The following TEX9 variants were observed in gnomAD, a reference collection of about 807,000 sequenced individuals.
TEX9 encodes the protein testis-expressed protein 9.
Under a neutral mutation model 59.6 loss-of-function variants are expected in TEX9, and 74 were observed. The ratio of observed to expected loss-of-function variants is 1.24; its 90% CI spans 1.03 to 1.51. The LOEUF (loss-of-function observed/expected upper bound fraction) is 1.51. Among genes scored for constraint, TEX9 ranks in the 40% most tolerant of loss-of-function variants. The pLI is 0.00. For synonymous variants in TEX9, 186 were observed against 152.2 expected (o/e 1.22, Z -1.64); for missense variants, 522 against 447.8 (o/e 1.17, Z -1.49).
chr15:56,387,596 G>A (rs2048018565), intron 4 of TEX9, among the ~76,000 whole-genome samples: 1 of 151,918 alleles, frequency 6.6e-6, no homozygotes, highest in Non-Finnish European at 1.5e-5. Context: ...CCAATGGTTA[G>A]GAGTTCTCAG....
At chr15:56,415,959 T>G (rs1326440609) in intron 10 of TEX9, among the ~76,000 whole-genome samples, 1 of 151,866 alleles carries the variant, frequency 6.6e-6, no homozygotes, top group Non-Finnish European at 1.5e-5. Flanking sequence ...CCTGGTTAGC[T>G]GTATTCCTAG....
chr15:56,355,815 G>C (rs1429679227), intron 1 of TEX9, among the ~76,000 whole-genome samples: 2 of 151,990 alleles, frequency 1.3e-5, no homozygotes, highest in Non-Finnish European at 2.9e-5. Flanking sequence ...TTATACCTAA[G>C]CATTTGTAAA....
chr15:56,249,100 A>C (rs927132160), intron 1 of TEX9: 2 of 152,246 alleles, frequency 1.3e-5, no homozygotes, highest in Admixed American at 1.3e-4. Flanking sequence ...ATATTTTTAA[A>C]AGTGAAATAA....
intron 4 of TEX9, among the ~76,000 whole-genome samples, chr15:56,386,083 T>C (rs1280120836): frequency 6.6e-6 from 1 of 152,098 alleles, no homozygotes; most frequent in African/African-American, 2.4e-5. Flanking sequence ...AAACAAATTA[T>C]GGTATATCCA....
rs534648231 is a variant in TEX9, at chr15:56,266,638, G to C, written c.-107+22360G>C. Reference sequence around the variant, plus strand: ...GATGGTTTCCAGCTTCATCCATGTCGCTACAAAGGACATGAAGTCATCCTT... The same window carrying C: ...GATGGTTTCCAGCTTCATCCATGTCCCTACAAAGGACATGAAGTCATCCTT... On this transcript the variant is annotated intron_variant, in intron 1 of 5. Coordinates refer to the TEX9 transcript ENST00000560827. Among the ~76,000 whole-genome samples, 5 of 151,980 alleles carry C rather than the reference G, an allele frequency of 3.3e-5. 1 individual carries two copies. The highest frequency in any genetic ancestry group is 4.1e-4 in the South Asian group (2 of 4,824).
chr15:56,304,218 A>T (rs982722856), intron 1 of TEX9, among the ~76,000 whole-genome samples: 1 of 152,174 alleles, frequency 6.6e-6, no homozygotes, highest in African/African-American at 2.4e-5. Flanking sequence ...CTTCCTTTCC[A>T]ATTTGGACGC....
intron 1 of TEX9, among the ~76,000 whole-genome samples, chr15:56,345,066 C>CAT (rs1567093128): frequency 3.0e-5 from 4 of 135,036 alleles, no homozygotes; most frequent in South Asian, 2.3e-4. Flanking sequence ...TACACACACA[C>CAT]ATATATATAT....
chr15:56,460,009 A>AAAAAAAAAAAAATATATATAT, the TEX9 span, among the ~76,000 whole-genome samples: 2 of 26,384 alleles, frequency 7.6e-5, no homozygotes, highest in African/African-American at 1.5e-4. Context: ...AAAAAAAAAA[A>AAAAAAAAAAAAATATATATAT]ATACATATAT....
intron 8 of TEX9, 26 bp from the exon 9 acceptor site, chr15:56,394,635 C>A: frequency 6.9e-7 from 1 of 1,447,270 alleles, no homozygotes; most frequent in Non-Finnish European, 9.4e-7. Flanking sequence ...TATTTTTTCA[C>A]ATAATCTATA....
chr15:56,319,262 CT>C (rs2045849558), intron 1 of TEX9, among the ~76,000 whole-genome samples: 1 of 151,708 alleles, frequency 6.6e-6, no homozygotes, highest in Admixed American at 6.6e-5. Context: ...GTTAAAGTTT[CT>C]CATTACTAAG....
At chr15:56,379,793 C>A (rs953335216) in intron 3 of TEX9, among the ~76,000 whole-genome samples, 16 of 151,714 alleles carry the variant, frequency 1.1e-4, no homozygotes, top group African/African-American at 3.4e-4. Context: ...TATATAATGA[C>A]CTTCTTTGTC....
At chr15:56,320,103 G>A (rs72740554) in intron 1 of TEX9, among the ~76,000 whole-genome samples, 1 of 152,206 alleles carries the variant, frequency 6.6e-6, no homozygotes, top group Non-Finnish European at 1.5e-5. Flanking sequence ...GCCCTCATAG[G>A]CATTTTTATT....
At chr15:56,297,541 G>A (rs2045245017) in intron 1 of TEX9, among the ~76,000 whole-genome samples, 1 of 152,152 alleles carries the variant, frequency 6.6e-6, no homozygotes, top group African/African-American at 2.4e-5. Context: ...TTCTCACTCT[G>A]TTGCCCAGGC....
intron 4 of TEX9, among the ~76,000 whole-genome samples, chr15:56,386,516 GATCTTGCTTCCAAGAAGTTAATAT>G (rs2047967878): frequency 6.6e-6 from 1 of 151,908 alleles, no homozygotes; most frequent in Non-Finnish European, 1.5e-5. Context: ...AAACAGACCT[GATCTTGCTTCCAAGAAGTTAATAT>G]GTGTTGCTTT....
In TEX9 at chr15:56,432,996, G is replaced by A. The variant is rs149790692; in HGVS notation, c.*29+4523G>A. Among the ~76,000 whole-genome samples, 24 of 152,090 alleles carry A rather than the reference G, an allele frequency of 1.6e-4. No homozygotes were observed. In the East Asian group the frequency reaches 4.2e-3, roughly 27 times the overall value. Reference sequence around the variant, plus strand: ...AGACAATATAAGTATTTAGTTTTACGGATGAGACATAAATAAGTCAATGTA... The same window carrying A: ...AGACAATATAAGTATTTAGTTTTACAGATGAGACATAAATAAGTCAATGTA... On this transcript the variant is annotated intron_variant, in intron 12 of 12. Transcript: ENST00000352903.
intron 1 of TEX9, among the ~76,000 whole-genome samples, chr15:56,270,903 T>TG (rs1459888204): frequency 6.6e-5 from 10 of 152,330 alleles, no homozygotes; most frequent in African/African-American, 2.4e-4. Context: ...AAGCTTAATT[T>TG]GGCTGGATAT....
At chr15:56,375,063 A>G (rs1342766946) in intron 3 of TEX9, among the ~76,000 whole-genome samples, 1 of 152,100 alleles carries the variant, frequency 6.6e-6, no homozygotes, top group East Asian at 1.9e-4. Context: ...TGGTATTTCT[A>G]GTTCTAGATC....
Position 56,269,330 on chromosome 15 carries a change from G to A in TEX9, c.-107+25052G>A, listed in dbSNP as rs62045712. 2.0e-5 allele frequency among the ~76,000 whole-genome samples: 3 copies of A among 151,870 alleles called. No individual in the cohort carries two copies. The South Asian group carries it at 6.2e-4, about 32-fold the overall frequency. On this transcript the variant is annotated intron_variant, in intron 1 of 5. Coordinates refer to the TEX9 transcript ENST00000560827. ...TCGTGTCTCTATTTCCTTCAGTTCT[G>A]CTCTGATCTTGGTTATTTCTTGCCT...
At chr15:56,343,964 T>A (rs2046419010) in intron 1 of TEX9, among the ~76,000 whole-genome samples, 2 of 152,128 alleles carry the variant, frequency 1.3e-5, no homozygotes, top group East Asian at 3.8e-4. Flanking sequence ...CAAACTACAG[T>A]GAGATACCAC....
Sources: allele counts gnomAD v4.1 joint callset (sites outside exome capture counted in the v4.1 genomes callset), GRCh38; gene constraint gnomAD v4.1.1; transcripts MANE v1.5; gene names NCBI Gene and HGNC (gene_info 2026-07-23, HGNC 2026-07-21).